The following MAGI2 variants were observed in gnomAD, a reference collection of about 807,000 sequenced individuals.
MAGI2 encodes the protein membrane-associated guanylate kinase, WW and PDZ domain-containing protein 2.
In MAGI2, 35 loss-of-function variants were observed where a neutral mutation model predicts 133.3. The ratio of observed to expected loss-of-function variants is 0.26; its 90% confidence interval spans 0.20 to 0.35. MAGI2 has a LOEUF of 0.35. Ranked by LOEUF, MAGI2 falls within the 10% of genes least tolerant of loss-of-function variation. The pLI is 1.00. For missense variants in MAGI2, 1,636 were observed against 1,863.4 expected (o/e 0.88, Z 2.25); for synonymous variants, 729 against 710.6 (o/e 1.03, Z -0.41).
At chr7:79,327,846 C>T (rs4604371) in intron 1 of MAGI2, among the ~76,000 whole-genome samples, 24,264 of 152,060 alleles carry the variant, frequency 0.16, 2,210 homozygotes, top group East Asian at 0.35. Flanking sequence ...TTTTTCCAAG[C>T]ATTTTCTTCT....
chr7:79,035,196 G>A lies in MAGI2; in HGVS notation c.302-27990C>T, dbSNP rs1554338201. The stretch of plus-strand genomic sequence containing the variant: ...TGCATTCCCACAAAAAAAAGTGTGT[G>A]TGTGTGTGTGGTGGCGGCGGGGGCA... On this transcript the variant is annotated intron_variant, in intron 1 of 21. Coordinates refer to ENST00000354212, the MANE Select transcript of MAGI2 (RefSeq NM_012301.4). Among the ~76,000 whole-genome samples the A allele has an allele frequency of 4.4e-4, 47 of 107,612 alleles. 1 individual carries two copies. Among genetic ancestry groups the A allele is most frequent in the African/African-American group, 1.5e-3 (42 of 27,748 alleles). The allele number at this position is 107,612 out of a possible 152,430, so 70.6% of individuals were successfully genotyped here.
chr7:78,271,577 C>G (rs2150987041), intron 9 of MAGI2, among the ~76,000 whole-genome samples: 1 of 152,266 alleles, frequency 6.6e-6, no homozygotes, highest in Non-Finnish European at 1.5e-5. Flanking sequence ...GTGAATCTGT[C>G]TGGTCCTGGA....
intron 1 of MAGI2, among the ~76,000 whole-genome samples, chr7:79,268,718 C>T (rs1323393647): frequency 1.3e-5 from 2 of 152,100 alleles, no homozygotes; most frequent in East Asian, 3.9e-4. Flanking sequence ...CTTTTTGGGT[C>T]TCTGAAGTTC....
intron 2 of MAGI2, among the ~76,000 whole-genome samples, chr7:78,632,970 A>G (rs1426206904): frequency 1.3e-5 from 2 of 152,236 alleles, no homozygotes; most frequent in Non-Finnish European, 2.9e-5. Context: ...AGTATTCACA[A>G]TAACAAAGAC....
chr7:79,022,229 G>A (rs770939077), intron 1 of MAGI2, among the ~76,000 whole-genome samples: 17 of 152,006 alleles, frequency 1.1e-4, no homozygotes, highest in East Asian at 1.9e-4. Flanking sequence ...AAAATCACTC[G>A]AAATAATACA....
At chr7:79,296,163 T>C (rs1585469448) in intron 1 of MAGI2, among the ~76,000 whole-genome samples, 1 of 152,212 alleles carries the variant, frequency 6.6e-6, no homozygotes, top group East Asian at 1.9e-4. Context: ...CTTGTCTCTG[T>C]AGATTTTCTT....
chr7:79,047,982 C>T (rs1812329284), intron 1 of MAGI2, among the ~76,000 whole-genome samples: 1 of 152,096 alleles, frequency 6.6e-6, no homozygotes, highest in Non-Finnish European at 1.5e-5. Flanking sequence ...GTAAGTTTCC[C>T]ACTACGATGG....
At chr7:78,850,999 C>G (rs1459630068) in intron 2 of MAGI2, among the ~76,000 whole-genome samples, 3 of 151,878 alleles carry the variant, frequency 2.0e-5, no homozygotes, top group Non-Finnish European at 4.4e-5. Context: ...TTTTGATTGT[C>G]TCAGTACACA....
intron 1 of MAGI2, among the ~76,000 whole-genome samples, chr7:79,100,420 G>T (rs1273126035): frequency 3.3e-5 from 5 of 151,698 alleles, no homozygotes; most frequent in Non-Finnish European, 7.4e-5. Flanking sequence ...ATATAATAGT[G>T]AAAAATATGT....
At chr7:79,154,313 A>T (rs952233887) in intron 1 of MAGI2, among the ~76,000 whole-genome samples, 1 of 152,180 alleles carries the variant, frequency 6.6e-6, no homozygotes, top group Non-Finnish European at 1.5e-5. Flanking sequence ...GAAAACCTAA[A>T]ATACCAACTT....
rs541271097 is a variant in MAGI2, at chr7:78,098,296, A to G, written c.3568-19211T>C. Reference sequence around the variant, plus strand: ...ATTTTCACTACATATGTACATATCCATAAGGAATATACATGTAGTATTTCA... The same window carrying G: ...ATTTTCACTACATATGTACATATCCGTAAGGAATATACATGTAGTATTTCA... On this transcript the variant is annotated intron_variant, in intron 20 of 21. Transcript: ENST00000354212. Among the ~76,000 whole-genome samples the G allele has an allele frequency of 2.1e-4, 32 of 152,270 alleles. No individual in the cohort carries two copies. The East Asian group carries it at 6.0e-3, about 28-fold the overall frequency.
intron 16 of MAGI2, among the ~76,000 whole-genome samples, chr7:78,140,916 T>C (rs937491102): frequency 6.6e-6 from 1 of 152,052 alleles, no homozygotes; most frequent in African/African-American, 2.4e-5. Context: ...TAAAGCAAAA[T>C]GCAAATGGCA....
chr7:79,048,017 T>C (rs1183030754), intron 1 of MAGI2, among the ~76,000 whole-genome samples: 1 of 152,204 alleles, frequency 6.6e-6, no homozygotes, highest in Non-Finnish European at 1.5e-5. Flanking sequence ...TATCCAAGCA[T>C]GAAGGTGAAA....
chr7:78,245,714 A>C (rs1396555719), intron 10 of MAGI2, among the ~76,000 whole-genome samples: 1 of 152,120 alleles, frequency 6.6e-6, no homozygotes, highest in African/African-American at 2.4e-5. Context: ...TCCCCCCATC[A>C]ACACCTTGGA....
At chr7:78,505,760 C>T (rs1795029832) in intron 4 of MAGI2, among the ~76,000 whole-genome samples, 1 of 152,084 alleles carries the variant, frequency 6.6e-6, no homozygotes, top group Non-Finnish European at 1.5e-5. Context: ...ATGAGTGCTG[C>T]CTAAGGGAAT....
intron 1 of MAGI2, chr7:79,124,603 T>G (rs1820228396): frequency 6.6e-6 from 1 of 152,338 alleles, no homozygotes; most frequent in Admixed American, 6.5e-5. Context: ...ACTGACTGAG[T>G]GGCTACTGTC....
At chr7:79,401,385 T>C (rs117568894) in intron 1 of MAGI2, among the ~76,000 whole-genome samples, 1 of 152,192 alleles carries the variant, frequency 6.6e-6, no homozygotes, top group Non-Finnish European at 1.5e-5. Flanking sequence ...ATTCTGGCAA[T>C]ATCAGTTTTC....
chr7:78,265,570 A>G (rs1169392702), intron 9 of MAGI2, among the ~76,000 whole-genome samples: 5 of 152,218 alleles, frequency 3.3e-5, no homozygotes, highest in African/African-American at 1.2e-4. Context: ...GAAATCTTAA[A>G]ACCCTAAAAG....
chr7:78,756,067 G>C (rs1220137933), intron 2 of MAGI2, among the ~76,000 whole-genome samples: 1 of 152,080 alleles, frequency 6.6e-6, no homozygotes, highest in Non-Finnish European at 1.5e-5. Context: ...ATGTAACTTC[G>C]AGGTCACTTA....
Sources: allele counts gnomAD v4.1 joint callset (sites outside exome capture counted in the v4.1 genomes callset), GRCh38; gene constraint gnomAD v4.1.1; transcripts MANE v1.5; gene names NCBI Gene and HGNC (gene_info 2026-07-23, HGNC 2026-07-21).